The following SGCZ variants were observed in gnomAD, a reference collection of about 807,000 sequenced individuals.
The protein encoded by SGCZ is zeta-sarcoglycan.
A neutral mutation model predicts 41.3 loss-of-function variants in SGCZ; 40 were observed. The observed-to-expected ratio is 0.97, with a 90% confidence interval of 0.75 to 1.26. The LOEUF (loss-of-function observed/expected upper bound fraction) is 1.26. SGCZ is among the 50% of genes most tolerant of loss of function. The probability of loss-of-function intolerance (pLI) is 0.00; values close to 1 mark genes in which losing one functional copy is unlikely to be tolerated. For synonymous variants in SGCZ, 206 were observed against 137.5 expected, an observed-to-expected ratio of 1.50 and a Z score of -3.49; for missense variants, 552 against 369.8, an observed-to-expected ratio of 1.49 and a Z score of -4.04.
At chr8:14,620,283 T>A (rs1373894934) in intron 1 of SGCZ, among the ~76,000 whole-genome samples, 1 of 152,068 alleles carries the variant, frequency 6.6e-6, no homozygotes, top group Non-Finnish European at 1.5e-5. Flanking sequence ...TATACAAAAA[T>A]TAATTCAAGA....
chr8:15,050,271 T>C (rs2130992070), intron 1 of SGCZ, among the ~76,000 whole-genome samples: 1 of 152,308 alleles, frequency 6.6e-6, no homozygotes, highest in East Asian at 1.9e-4. Context: ...TTGAGATTTT[T>C]ATAACCCAAC....
intron 2 of SGCZ, among the ~76,000 whole-genome samples, chr8:14,389,870 T>C (rs1290838450): frequency 2.6e-5 from 4 of 152,022 alleles, no homozygotes; most frequent in Non-Finnish European, 5.9e-5. Context: ...CCTAAAGCCA[T>C]ATGAAACTAA....
At chr8:14,842,157 C>T (rs999684407) in intron 1 of SGCZ, among the ~76,000 whole-genome samples, 6 of 152,058 alleles carry the variant, frequency 3.9e-5, no homozygotes, top group African/African-American at 1.5e-4. Flanking sequence ...CATAACTGCA[C>T]ATCAGGATAA....
chr8:14,323,385 T>C (rs1007845592), intron 3 of SGCZ, among the ~76,000 whole-genome samples: 1 of 152,042 alleles, frequency 6.6e-6, no homozygotes, highest in African/African-American at 2.4e-5. Flanking sequence ...ATTACTTCTC[T>C]CTTAATAAAC....
intron 1 of SGCZ, among the ~76,000 whole-genome samples, chr8:15,030,100 G>T (rs956533096): frequency 6.6e-6 from 1 of 152,128 alleles, no homozygotes; most frequent in East Asian, 1.9e-4. Flanking sequence ...AATAATTACA[G>T]AATATAGTGG....
chr8:14,244,188 TCCTCCTCTTCCTTCTTC>T (rs1563208225), intron 3 of SGCZ, among the ~76,000 whole-genome samples: 2 of 13,610 alleles, frequency 1.5e-4, no homozygotes, highest in Non-Finnish European at 3.5e-4. Flanking sequence ...TCCTTCTTCC[TCCTCCTCTTCCTTCTTC>T]CTCCTCTTCC....
intron 1 of SGCZ, among the ~76,000 whole-genome samples, chr8:14,907,272 G>T (rs771833458): frequency 6.6e-6 from 1 of 152,016 alleles, no homozygotes; most frequent in Non-Finnish European, 1.5e-5. Flanking sequence ...ATGGCTCACC[G>T]CAGCCTTGTA....
At chr8:14,366,209 C>T (rs917292087) in intron 2 of SGCZ, among the ~76,000 whole-genome samples, 9 of 152,030 alleles carry the variant, frequency 5.9e-5, no homozygotes, top group African/African-American at 1.9e-4. Context: ...CTGGATATTT[C>T]ATAAAGAAAA....
chr8:14,107,362 G>T (rs1777369491), intron 6 of SGCZ, among the ~76,000 whole-genome samples: 1 of 152,038 alleles, frequency 6.6e-6, no homozygotes, highest in Non-Finnish European at 1.5e-5. Context: ...GAATTTTCCT[G>T]GGTAGTGAGA....
intron 1 of SGCZ, among the ~76,000 whole-genome samples, chr8:15,179,916 G>A (rs1295473071): frequency 6.6e-6 from 1 of 152,182 alleles, no homozygotes; most frequent in Non-Finnish European, 1.5e-5. Context: ...GAACTACTTT[G>A]TGTAGGATTA....
chr8:14,762,229 A>G (rs557588039), intron 1 of SGCZ, among the ~76,000 whole-genome samples: 5 of 152,304 alleles, frequency 3.3e-5, no homozygotes, highest in Admixed American at 3.3e-4. Context: ...AAATTTAACT[A>G]TGGGATATGG....
chr8:14,630,786 C>A lies in SGCZ; in HGVS notation c.40-75860G>T, dbSNP rs968229778. ...TGTCACAAGGACGGAAAACCAAACACCACGTGTTCTCACTCATAGGTGGGA... is the reference window on the plus strand; with the variant it reads ...TGTCACAAGGACGGAAAACCAAACAACACGTGTTCTCACTCATAGGTGGGA... On this transcript the variant is annotated intron_variant, in intron 1 of 7. Transcript: ENST00000382080. Among the ~76,000 whole-genome samples the A allele has an allele frequency of 4.0e-5, 6 of 148,936 alleles. No individual in the cohort carries two copies. In the East Asian group the frequency reaches 1.0e-3, roughly 25 times the overall value.
At chr8:14,484,207 G>A (rs13269368) in intron 2 of SGCZ, among the ~76,000 whole-genome samples, 137,548 of 151,842 alleles carry the variant, frequency 0.91, 63,734 homozygotes, top group East Asian at 1. Flanking sequence ...ACGTTTGGAT[G>A]TGGAAATGTA....
chr8:14,687,112 T>C (rs1696263271), intron 1 of SGCZ, among the ~76,000 whole-genome samples: 1 of 150,454 alleles, frequency 6.6e-6, no homozygotes, highest in Admixed American at 6.6e-5. Flanking sequence ...TAAATGTAAT[T>C]ATGAAACCTT....
rs947640942 is a variant in SGCZ, at chr8:14,345,827, T to C, written c.235-21623A>G. On this transcript the variant is annotated intron_variant, in intron 2 of 7. Transcript: ENST00000382080. ...TAGACCAAACTCCATCCCTTCCTACTGTGTGACTTGATCAAATCCCTCTGA... is the reference window on the plus strand; with the variant it reads ...TAGACCAAACTCCATCCCTTCCTACCGTGTGACTTGATCAAATCCCTCTGA... Among the ~76,000 whole-genome samples the C allele has an allele frequency of 2.0e-5, 3 of 152,120 alleles. No individual in the cohort carries two copies. The South Asian group carries it at 6.2e-4, about 31-fold the overall frequency.
chr8:14,690,783 T>A (rs1372562528), intron 1 of SGCZ, among the ~76,000 whole-genome samples: 1 of 152,208 alleles, frequency 6.6e-6, no homozygotes, highest in Non-Finnish European at 1.5e-5. Context: ...GTGTTTTTTA[T>A]CTGAAATCAA....
chr8:14,596,803 A>G (rs10096569), intron 1 of SGCZ, among the ~76,000 whole-genome samples: 60,022 of 151,992 alleles, frequency 0.39, 12,964 homozygotes, highest in Middle Eastern at 0.49. Context: ...AAACCTGCAC[A>G]TTTTGCACAT....
chr8:14,630,793 T>C (rs1356215116), intron 1 of SGCZ, among the ~76,000 whole-genome samples: 2 of 146,174 alleles, frequency 1.4e-5, no homozygotes, highest in Non-Finnish European at 3.0e-5. Context: ...ACACCACGTG[T>C]TCTCACTCAT....
intron 3 of SGCZ, among the ~76,000 whole-genome samples, chr8:14,262,347 T>C (rs1430030539): frequency 1.3e-5 from 2 of 152,142 alleles, no homozygotes; most frequent in Non-Finnish European, 1.5e-5. Context: ...TTCTGTACAA[T>C]AGCACTTTCT....
Sources: allele counts gnomAD v4.1 joint callset (sites outside exome capture counted in the v4.1 genomes callset), GRCh38; gene constraint gnomAD v4.1.1; transcripts MANE v1.5; gene names NCBI Gene and HGNC (gene_info 2026-07-23, HGNC 2026-07-21).